HDAC7: variants seen among roughly 807,000 people sequenced by gnomAD.
HDAC7 encodes the protein histone deacetylase 7.
HDAC7 carries 26 observed loss-of-function variants against 115.5 expected under a neutral mutation model. The observed-to-expected ratio is 0.23, with a 90% CI of 0.16 to 0.31. HDAC7 has a LOEUF of 0.31. Ranked by LOEUF, HDAC7 falls within the 10% of genes least tolerant of loss-of-function variation. HDAC7 has a pLI of 1.00. For synonymous variants in HDAC7, 564 were observed against 550.9 expected, an observed-to-expected ratio of 1.02 and a Z score of -0.33; for missense variants, 1,068 against 1,329.0, an observed-to-expected ratio of 0.80 and a Z score of 3.05.
Position 47,793,551 on chromosome 12 carries a change from A to G in HDAC7, c.1496T>C (p.Leu499Pro). The G allele has an allele frequency of 1.3e-6, 2 of 1,545,138 alleles. No homozygotes were observed. Among genetic ancestry groups the G allele is most frequent in the Non-Finnish European group, 1.7e-6 (2 of 1,145,122 alleles). Residue 499 changes from leucine (L) to proline (P), a missense_variant, in exon 13 of 26, where the codon CTC becomes CCC. Leu to Pro is a moderately conservative substitution (Grantham distance 98, BLOSUM62 -3). Coordinates refer to ENST00000080059, the MANE Select transcript of HDAC7 (RefSeq NM_015401.5). This position sits in a 1 kb window ranked among gnomAD's most constrained non-coding sequence, Gnocchi z 4.5. Reference protein sequence around the residue: ...LWEQQRLAGRLPRGSTGDTVL... With the variant: ...LWEQQRLAGRPPRGSTGDTVL... ...AGTGTCCCCGGTGCTGCCCCGGGGG[A>G]GCCGCCCAGCCAGTCGCTGCTGTTC...
In HDAC7 at chr12:47,798,764, T is replaced by C. The variant is rs368229933; in HGVS notation, c.258+21A>G. On this transcript the variant is annotated intron_variant, in intron 3 of 25. Transcript: ENST00000080059. The surrounding 1 kb of genome is among the most constrained non-coding windows in gnomAD (Gnocchi z 4.3). ...GGACCAAGCTCAAGGTGGCCCCACATGCAGGGAGCTCCATCTTTACCCTCA... is the reference window on the plus strand; with the variant it reads ...GGACCAAGCTCAAGGTGGCCCCACACGCAGGGAGCTCCATCTTTACCCTCA... 2.6e-6 allele frequency: 4 copies of C among 1,554,754 alleles called. No homozygotes were observed. The highest frequency in any genetic ancestry group is 1.4e-5 in the African/African-American group (1 of 73,238).
chr12:47,793,931 T>C lies in HDAC7; in HGVS notation c.1459-343A>G, dbSNP rs376510315. Among the ~76,000 whole-genome samples the C allele has an allele frequency of 2.0e-3, 304 of 152,342 alleles. 4 individuals are homozygous for C. Among genetic ancestry groups the C allele is most frequent in the African/African-American group, 7.1e-3 (296 of 41,570 alleles). On this transcript the variant is annotated intron_variant, in intron 12 of 25. Coordinates refer to ENST00000080059, the MANE Select transcript of HDAC7 (RefSeq NM_015401.5). The surrounding 1 kb of genome is among the most constrained non-coding windows in gnomAD (Gnocchi z 4.5). ...ACTGTTCAAGAACATGTGTGTGGCCTGTCATCATGTGTTATGGAGTAAATT... is the reference window on the plus strand; with the variant it reads ...ACTGTTCAAGAACATGTGTGTGGCCCGTCATCATGTGTTATGGAGTAAATT...
At chr12:47,807,845 T>C (rs1180982210) in intron 1 of HDAC7, among the ~76,000 whole-genome samples, 1 of 151,998 alleles carries the variant, frequency 6.6e-6, no homozygotes, top group East Asian at 1.9e-4. Flanking sequence ...TGGGTTGGGG[T>C]CTTAGAGGAC....
rs1314556616 is a variant in HDAC7 at position 47,795,854 on chromosome 12, G to A, written c.906+52C>T. On this transcript the variant is annotated intron_variant, in intron 9 of 25. Coordinates refer to ENST00000080059, the MANE Select transcript of HDAC7 (RefSeq NM_015401.5). This position sits in a 1 kb window ranked among gnomAD's most constrained non-coding sequence, Gnocchi z 4.3. Reference sequence around the variant, plus strand: ...TGGGGTGAGGCAGCAAGAAAAGGGAGTGAAAGAAGCTGGGGGGGCTTGGAG... The same window carrying A: ...TGGGGTGAGGCAGCAAGAAAAGGGAATGAAAGAAGCTGGGGGGGCTTGGAG... 7.5e-6 allele frequency: 11 copies of A among 1,471,186 alleles called. No individual in the cohort carries two copies. The highest frequency in any genetic ancestry group is 1.4e-5 in the African/African-American group (1 of 71,282). The allele number at this position is 1,471,186 out of a possible 1,614,324, so 91.1% of individuals were successfully genotyped here.
Position 47,789,588 on chromosome 12 carries a change from G to C in HDAC7, c.2092-10C>G. The C allele has an allele frequency of 6.2e-7, 1 of 1,614,052 alleles. No individual in the cohort carries two copies. The highest frequency in any genetic ancestry group is 8.5e-7 in the Non-Finnish European group (1 of 1,179,946). On this transcript the variant is annotated splice_polypyrimidine_tract_variant and intron_variant, in intron 17 of 25. Coordinates refer to ENST00000080059, the MANE Select transcript of HDAC7 (RefSeq NM_015401.5). Reference sequence around the variant, plus strand: ...CCACAGCGAAACCATTCTGGAAAAAGAAAGAATGCTTGTCAATCAACAGAC... The same window carrying C: ...CCACAGCGAAACCATTCTGGAAAAACAAAGAATGCTTGTCAATCAACAGAC...
Position 47,786,687 on chromosome 12 carries a change from T to C in HDAC7, c.2470A>G (p.Ile824Val). 2 of 1,613,768 alleles carry C rather than the reference T, an allele frequency of 1.2e-6. No homozygotes were observed. The highest frequency in any genetic ancestry group is 1.7e-6 in the Non-Finnish European group (2 of 1,179,712). Residue 824 changes from isoleucine (I) to valine (V), a missense_variant, in exon 22 of 26, where the codon ATC becomes GTC. Physicochemically the swap from Ile to Val is conservative, Grantham distance 29 (BLOSUM62 3). Transcript: ENST00000080059. ...LAAFRIVVMPIAREFSPDLVL... is the reference protein window; with the variant it reads ...LAAFRIVVMPVAREFSPDLVL... The stretch of plus-strand genomic sequence containing the variant: ...AGGTCTGGAGAGAACTCTCGGGCGA[T>C]GGGCATCACGACTATCCTGTGAGGT...
At chr12:47,791,808 ACCCCT>A in intron 14 of HDAC7, 58 bp downstream of exon 14, 1 of 510,908 alleles carries the variant, frequency 2.0e-6, no homozygotes, top group Non-Finnish European at 2.6e-6. Context: ...AGGGCCCCCC[ACCCCT>A]CCCCTCCCAT....
chr12:47,783,955 T>C (rs1943001153), intron 25 of HDAC7, 69 bp from the exon 26 acceptor site: 2 of 1,606,436 alleles, frequency 1.2e-6, no homozygotes, highest in Non-Finnish European at 1.7e-6. Context: ...CTAAGCTTCC[T>C]CTCAACCCTG....
chr12:47,790,655 T>C (rs1943440729), intron 16 of HDAC7: 1 of 158,352 alleles, frequency 6.3e-6, no homozygotes, highest in Non-Finnish European at 1.4e-5. Flanking sequence ...ATCCCCTGCC[T>C]CTACACACCT....
At chr12:47,812,121 C>A (rs887452324) in intron 1 of HDAC7, among the ~76,000 whole-genome samples, 12 of 152,258 alleles carry the variant, frequency 7.9e-5, no homozygotes, top group Non-Finnish European at 1.2e-4. Flanking sequence ...CCTCCCCAAG[C>A]TGGCACAGCA....
intron 12 of HDAC7, 99 bp downstream of exon 12, chr12:47,794,661 T>C (rs560322978): frequency 3.2e-6 from 4 of 1,251,020 alleles, no homozygotes; most frequent in Non-Finnish European, 4.3e-6. Flanking sequence ...TAGAGCTGCC[T>C]GTTGCACTGA....
Position 47,794,868 on chromosome 12 carries a change from T to G in HDAC7, c.1350A>C (p.Thr450=). 2 of 1,613,408 alleles carry G rather than the reference T, an allele frequency of 1.2e-6. No individual in the cohort carries two copies. The highest frequency in any genetic ancestry group is 1.7e-6 in the Non-Finnish European group (2 of 1,179,954). ...CCACCTGGCCCGGTCCCCCGCCATC[T>G]GTCTCCAGGTCTTCAGCCGAGGGTA... ...RQIPSAEDLE[T]DGGGPGQVVD... is the part of the protein sequence containing the mutation. Residue 450 remains threonine (T), a synonymous_variant, in exon 12 of 26, where the codon ACA becomes ACC. Coordinates refer to ENST00000080059, the MANE Select transcript of HDAC7 (RefSeq NM_015401.5).
At chr12:47,802,122 G>T in intron 2 of HDAC7, 102 bp downstream of exon 2, 1 of 1,284,444 alleles carries the variant, frequency 7.8e-7, no homozygotes, top group Non-Finnish European at 1.1e-6. Flanking sequence ...AGATCAGCCA[G>T]CGACCCTGCT....
chr12:47,788,017 G>A (rs752755878), intron 20 of HDAC7, 28 bp downstream of exon 20: 1 of 1,600,782 alleles, frequency 6.2e-7, no homozygotes, highest in Non-Finnish European at 8.5e-7. Flanking sequence ...CAATGAGGCT[G>A]GAAGATGTGG....
At chr12:47,785,619 C>T (rs3815131) in intron 23 of HDAC7, 133 bp downstream of exon 23, 434,890 of 1,377,294 alleles carry the variant, frequency 0.32, 70,688 homozygotes, top group Admixed American at 0.51. Flanking sequence ...ACAGAGGCTT[C>T]CGCTTCGCCT....
In HDAC7 at chr12:47,788,083, C is replaced by T. The variant is rs759760258; in HGVS notation, c.2317G>A (p.Asp773Asn). 33 of 1,613,354 alleles carry T rather than the reference C, an allele frequency of 2.0e-5. No individual in the cohort carries two copies. Among genetic ancestry groups the T allele is most frequent in the Non-Finnish European group, 2.6e-5 (31 of 1,179,682 alleles). ...VLYISLHRHDDGNFFPGSGAV... is the reference protein window; with the variant it reads ...VLYISLHRHDNGNFFPGSGAV... ...CCACTCCCCGGGAAGAAGTTGCCGT[C>T]GTCATGGCGATGCAGGGAGATGTAG... Residue 773 changes from aspartate to asparagine, a missense_variant, in exon 20 of 26, where the codon GAC (aspartate) becomes AAC (asparagine). Physicochemically the swap from Asp to Asn is conservative, Grantham distance 23. Transcript: ENST00000080059.
intron 20 of HDAC7, 41 bp downstream of exon 20, chr12:47,788,004 G>C (rs766631807): frequency 6.3e-7 from 1 of 1,595,850 alleles, no homozygotes; most frequent in Non-Finnish European, 8.6e-7. Context: ...GTCAGGAGGA[G>C]GTCAATGAGG....
chr12:47,788,198 CAG>C (rs1409452143), intron 19 of HDAC7, 34 bp from the exon 20 acceptor site: 1 of 1,577,932 alleles, frequency 6.3e-7, no homozygotes, highest in Non-Finnish European at 8.6e-7. Context: ...TTAGGGAAGG[CAG>C]AGAGATGGGG....
intron 1 of HDAC7, among the ~76,000 whole-genome samples, chr12:47,814,008 C>T (rs895091586): frequency 6.6e-6 from 1 of 152,214 alleles, no homozygotes; most frequent in Non-Finnish European, 1.5e-5. Flanking sequence ...AAGTTAACCT[C>T]CTGAGAGGGG....
Sources: gnomAD v4.1 joint callset for allele counts (sites outside exome capture counted in the v4.1 genomes callset) on GRCh38, gnomAD v4.1.1 for gene constraint, Gnocchi (gnomAD v3.1) non-coding constraint, MANE v1.5 for transcripts, NCBI Gene and HGNC (gene_info 2026-07-23, HGNC 2026-07-21) for gene names.